LYPLA1: variants seen among roughly 807,000 people sequenced by gnomAD.
The protein encoded by LYPLA1 is lysophospholipase 1, also known as acyl-protein thioesterase 1.
A neutral mutation model predicts 34.0 loss-of-function variants in LYPLA1; 17 were observed. The observed-to-expected ratio is 0.50, with a 90% confidence interval of 0.34 to 0.75. LYPLA1 has a LOEUF of 0.75. LYPLA1 is among the 30% of genes least tolerant of loss of function. The pLI is 0.01. For synonymous variants in LYPLA1, 98 were observed against 100.8 expected, an observed-to-expected ratio of 0.97 and a Z score of 0.17; for missense variants, 203 against 288.8, an observed-to-expected ratio of 0.70 and a Z score of 2.15.
intron 2 of LYPLA1, among the ~76,000 whole-genome samples, chr8:54,099,370 G>C (rs1028543934): frequency 2.0e-5 from 3 of 152,060 alleles, no homozygotes; most frequent in Non-Finnish European, 2.9e-5. Flanking sequence ...TACATAACTC[G>C]ACTTATTAGG....
chr8:54,073,299 C>T, intron 2 of LYPLA1: 1 of 889,864 alleles, frequency 1.1e-6, no homozygotes, highest in Non-Finnish European at 1.9e-6. Context: ...GTGCCTGCCC[C>T]CTCTCCTTCT....
At chr8:54,061,792 G>A (rs566276958) in intron 5 of LYPLA1, among the ~76,000 whole-genome samples, 3 of 152,028 alleles carry the variant, frequency 2.0e-5, no homozygotes, top group Non-Finnish European at 4.4e-5. Context: ...GGGGGCAGGG[G>A]GTAAAAGGAA....
At chr8:54,081,703 C>G (rs994711124) in intron 2 of LYPLA1, among the ~76,000 whole-genome samples, 1 of 151,358 alleles carries the variant, frequency 6.6e-6, no homozygotes, top group Non-Finnish European at 1.5e-5. Flanking sequence ...GCGTGCACCA[C>G]TGCGCCCAGC....
At chr8:54,096,985 T>C (rs988203230) in intron 2 of LYPLA1, among the ~76,000 whole-genome samples, 1 of 151,808 alleles carries the variant, frequency 6.6e-6, no homozygotes, top group Admixed American at 6.6e-5. Context: ...AGTAGCAGAT[T>C]AATAAACAAA....
intron 2 of LYPLA1, among the ~76,000 whole-genome samples, chr8:54,080,089 A>T (rs1808201780): frequency 6.6e-6 from 1 of 152,134 alleles, no homozygotes; most frequent in African/African-American, 2.4e-5. Flanking sequence ...AATCACACTT[A>T]TAAAATAATC....
intron 2 of LYPLA1, chr8:54,073,043 C>T (rs1807607691): frequency 4.1e-5 from 20 of 488,756 alleles, no homozygotes; most frequent in South Asian, 3.8e-4. Context: ...AAAATACCAT[C>T]TCACAGCAGG....
chr8:54,063,249 C>T (rs1452148937), intron 4 of LYPLA1, 79 bp downstream of exon 4: 8 of 877,848 alleles, frequency 9.1e-6, no homozygotes, highest in African/African-American at 1.7e-5. Context: ...TAAATAAAAA[C>T]TGCTGTACAC....
At chr8:54,078,353 C>T (rs1223167609) in intron 2 of LYPLA1, among the ~76,000 whole-genome samples, 2 of 152,190 alleles carry the variant, frequency 1.3e-5, no homozygotes, top group African/African-American at 4.8e-5. Context: ...AAAGTTCTTA[C>T]ACCAAACCAA....
In LYPLA1 at chr8:54,052,394, G is replaced by A. The variant is rs566150494; in HGVS notation, c.462+261C>T. On this transcript the variant is annotated intron_variant, in intron 7 of 8. Transcript: ENST00000316963. ...TGTAAGTGGAGGACTTGGTGATGGTGATGTGTCAGTGCAGCATTACTGACT... is the reference window on the plus strand; with the variant it reads ...TGTAAGTGGAGGACTTGGTGATGGTAATGTGTCAGTGCAGCATTACTGACT... Among the ~76,000 whole-genome samples, 190 of 152,028 alleles carry A rather than the reference G, an allele frequency of 1.2e-3. No individual in the cohort carries two copies. In the Middle Eastern group the frequency reaches 0.014, roughly 11 times the overall value.
intron 2 of LYPLA1, among the ~76,000 whole-genome samples, chr8:54,083,071 T>C (rs1227187862): frequency 6.6e-6 from 1 of 152,226 alleles, no homozygotes; most frequent in Non-Finnish European, 1.5e-5. Flanking sequence ...CATCATTTTT[T>C]CCTTAGAAAA....
At chr8:54,044,332 TGTCA>T (rs1278839259), downstream of LYPLA1, among the ~76,000 whole-genome samples, 1 of 152,210 alleles carries the variant, frequency 6.6e-6, no homozygotes. Context: ...ATTCTGAGGC[TGTCA>T]GTCTTCATAA....
downstream of LYPLA1, among the ~76,000 whole-genome samples, chr8:54,044,041 G>A (rs547626706): frequency 1.5e-3 from 226 of 152,094 alleles, no homozygotes; most frequent in Non-Finnish European, 2.5e-3. Context: ...ACAGGTGCAC[G>A]CCACCATGCC....
At chr8:54,054,882 TC>T (rs1806100993) in intron 6 of LYPLA1, 177 bp downstream of exon 6, 1 of 567,560 alleles carries the variant, frequency 1.8e-6, no homozygotes, top group African/African-American at 1.9e-5. Flanking sequence ...GTATTATAGT[TC>T]TTTCAAGAAG....
At chr8:54,072,824 C>CA (rs1807586462) in intron 2 of LYPLA1, among the ~76,000 whole-genome samples, 1 of 150,362 alleles carries the variant, frequency 6.7e-6, no homozygotes, top group Non-Finnish European at 1.5e-5. Flanking sequence ...ACTAAAAATA[C>CA]AAAAAATTAG....
intron 2 of LYPLA1, among the ~76,000 whole-genome samples, chr8:54,089,191 G>C (rs1293000481): frequency 6.6e-6 from 1 of 152,190 alleles, no homozygotes; most frequent in African/African-American, 2.4e-5. Flanking sequence ...CTTTAAAAGA[G>C]TGAAGTTTTT....
Position 54,064,836 on chromosome 8 carries a change from G to C in LYPLA1, c.167+912C>G, listed in dbSNP as rs542787284. ...TACATTAACACTAACAATAGCTGAT[G>C]AGGTAAAAAATAAAATAATATTTAA... is the stretch of plus-strand genomic sequence containing the variant. On this transcript the variant is annotated intron_variant, in intron 3 of 8. Coordinates refer to ENST00000316963, the MANE Select transcript of LYPLA1 (RefSeq NM_006330.4). Among the ~76,000 whole-genome samples the C allele has an allele frequency of 2.2e-3, 334 of 152,028 alleles. 4 individuals carry two copies. The South Asian group carries it at 0.031, about 14-fold the overall frequency.
Position 54,057,235 on chromosome 8 carries a change from C to T in LYPLA1, c.287-2102G>A, listed in dbSNP as rs960917488. ...ACTAAAAATTGAGCTACCATATGAA[C>T]CAGCAATCCCACTGGATATATACTC... On this transcript the variant is annotated intron_variant, in intron 5 of 8. Transcript: ENST00000316963. Among the ~76,000 whole-genome samples, 9 of 152,174 alleles carry T rather than the reference C, an allele frequency of 5.9e-5. No individual in the cohort carries two copies. The South Asian group carries it at 1.9e-3, about 32-fold the overall frequency.
chr8:54,101,481 G>T, intron 1 of LYPLA1: 1 of 1,113,948 alleles, frequency 9.0e-7, no homozygotes, highest in Non-Finnish European at 1.1e-6. Flanking sequence ...AGAGGCTGAC[G>T]CCGTGCCCTA....
At chr8:54,095,667 G>C (rs1809628084) in intron 2 of LYPLA1, among the ~76,000 whole-genome samples, 1 of 151,902 alleles carries the variant, frequency 6.6e-6, no homozygotes, top group Non-Finnish European at 1.5e-5. Flanking sequence ...TACCCCTATA[G>C]TGTTACTGTC....
Sources: allele counts gnomAD v4.1 joint callset (sites outside exome capture counted in the v4.1 genomes callset), GRCh38; gene constraint gnomAD v4.1.1; transcripts MANE v1.5; gene names NCBI Gene and HGNC (gene_info 2026-07-23, HGNC 2026-07-21).